Variants in ISCU observed in about 807,000 individuals in gnomAD.
The protein encoded by ISCU is iron-sulfur cluster assembly enzyme.
Under a neutral mutation model 18.4 loss-of-function variants are expected in ISCU, and 13 were observed. That is an observed-to-expected ratio of 0.71 (90% CI 0.46 to 1.12). The LOEUF (loss-of-function observed/expected upper bound fraction) is 1.12, where lower values mean the gene tolerates loss of function less well. Ranked by LOEUF, ISCU falls within the 50% of genes most tolerant of loss-of-function variation. ISCU has a pLI of 0.00. For missense variants in ISCU, 229 were observed against 208.7 expected (o/e 1.10, Z -0.60); for synonymous variants, 104 against 87.5 (o/e 1.19, Z -1.06).
intron 4 of ISCU, chr12:108,567,959 T>A (rs906566964): frequency 1.4e-6 from 2 of 1,466,444 alleles, no homozygotes; most frequent in Non-Finnish European, 1.8e-6. Flanking sequence ...AATGCATCGA[T>A]GGAGGTTTAC....
In ISCU at chr12:108,564,126, A is replaced by G. The variant is rs755038653; in HGVS notation, c.115-153A>G. 3.1e-6 allele frequency: 5 copies of G among 1,601,110 alleles called. No individual in the cohort carries two copies. The South Asian group carries it at 5.5e-5, about 18-fold the overall frequency. On this transcript the variant is annotated intron_variant, in intron 1 of 4. Coordinates refer to ENST00000311893, the MANE Select transcript of ISCU (RefSeq NM_213595.4). ...GAATTGGGGGTCACAAATGGTTCTC[A>G]TTGACATGAGTGTAGACCTTTCTAC... is the stretch of plus-strand genomic sequence containing the variant.
chr12:108,563,912 A>G, intron 1 of ISCU: 1 of 676,524 alleles, frequency 1.5e-6, no homozygotes, highest in Non-Finnish European at 2.7e-6. Flanking sequence ...TTTAAATAGT[A>G]ATCATCCTTT....
At chr12:108,567,862 C>G (rs1251404875) in intron 4 of ISCU, 1 of 1,449,612 alleles carries the variant, frequency 6.9e-7, no homozygotes, top group East Asian at 2.5e-5. Context: ...ACTTGGCTTT[C>G]CAGTTTGGTC....
intron 4 of ISCU, chr12:108,567,975 A>G: frequency 6.6e-7 from 1 of 1,511,216 alleles, no homozygotes; most frequent in Non-Finnish European, 8.9e-7. Flanking sequence ...TTTACTAACC[A>G]AATTAGTTAA....
At position 108,565,314 on chromosome 12, in the gene ISCU, T is replaced by C. The variant is rs764031831; in HGVS notation, c.229-7T>C. ...GACTCACCACTTAACTCTTGTCTCT[T>C]TTCTAGATTCAAGTGGATGAAAAGG... On this transcript the variant is annotated splice_region_variant and splice_polypyrimidine_tract_variant and intron_variant, in intron 2 of 4. Transcript: ENST00000311893. 5 of 1,609,236 alleles carry C rather than the reference T, an allele frequency of 3.1e-6. No individual in the cohort carries two copies. The highest frequency in any genetic ancestry group is 1.7e-5 in the Admixed American group (1 of 60,022).
intron 2 of ISCU, 99 bp downstream of exon 2, chr12:108,564,491 C>G (rs547435780): frequency 3.6e-5 from 30 of 830,324 alleles, no homozygotes; most frequent in Middle Eastern, 4.4e-4. Flanking sequence ...CCTGTGAGAT[C>G]TCCAAGCATT....
intron 1 of ISCU, chr12:108,563,897 G>GT: frequency 1.5e-6 from 1 of 645,708 alleles, no homozygotes; most frequent in Non-Finnish European, 2.8e-6. Context: ...GTTATTTTTA[G>GT]AATTTTTAAA....
At chr12:108,566,536 G>A (rs979411123) in intron 3 of ISCU, among the ~76,000 whole-genome samples, 2 of 152,248 alleles carry the variant, frequency 1.3e-5, no homozygotes, top group African/African-American at 2.4e-5. Context: ...GAGTCTGGCT[G>A]TTGGGAAATC....
upstream of ISCU, among the ~76,000 whole-genome samples, chr12:108,561,899 G>C (rs1432715507): frequency 1.3e-5 from 2 of 152,002 alleles, no homozygotes; most frequent in Admixed American, 6.6e-5. Flanking sequence ...TCCCATTTTT[G>C]AGGTAGGAAA....
At chr12:108,563,897 G>C in intron 1 of ISCU, 2 of 645,708 alleles carry the variant, frequency 3.1e-6, no homozygotes, top group Non-Finnish European at 2.8e-6. Flanking sequence ...GTTATTTTTA[G>C]AATTTTTAAA....
At chr12:108,567,733 C>T in intron 4 of ISCU, 1 of 1,535,896 alleles carries the variant, frequency 6.5e-7, no homozygotes, top group Admixed American at 2.0e-5. Context: ...TCTTCACTTC[C>T]TGTCTGGATG....
In ISCU at chr12:108,567,234, G is replaced by C; in HGVS notation, c.384G>C (p.Glu128Asp). The change falls in exon 4 of 5, where the codon GAG becomes GAC. Residue 128 changes from glutamate to aspartate, a missense_variant. Glu to Asp is a conservative substitution (Grantham distance 45). Transcript: ENST00000311893. ...LTIKNTDIAKELCLPPVKLHC... is the reference protein window; with the variant it reads ...LTIKNTDIAKDLCLPPVKLHC... ...TCAAAAACACAGATATCGCCAAGGA[G>C]CTCTGCCTTCCTCCCGTGAAACTGC... 2.5e-6 allele frequency: 4 copies of C among 1,614,062 alleles called. No homozygotes were observed. Among genetic ancestry groups the C allele is most frequent in the Non-Finnish European group, 3.4e-6 (4 of 1,179,964 alleles).
chr12:108,568,511 G>GT, intron 4 of ISCU: 1 of 1,231,466 alleles, frequency 8.1e-7, no homozygotes, highest in East Asian at 4.4e-5. Context: ...GACATCTTCT[G>GT]TAAGTCCCCA....
At chr12:108,568,645 G>T (rs1228038221) in intron 4 of ISCU, 186 bp from the exon 5 acceptor site, 4 of 1,447,626 alleles carry the variant, frequency 2.8e-6, no homozygotes, top group Non-Finnish European at 3.6e-6. Context: ...AGGATCACCC[G>T]CAGGAGTAAC....
chr12:108,568,222 T>G, intron 4 of ISCU: 1 of 1,238,608 alleles, frequency 8.1e-7, no homozygotes, highest in Non-Finnish European at 1.0e-6. Flanking sequence ...AACCTTTAGC[T>G]GATGTTCTCT....
chr12:108,564,360 G>A lies in ISCU; in HGVS notation c.196G>A (p.Ala66Thr). The stretch of plus-strand genomic sequence containing the variant: ...AAATGTTGGAACTGGACTGGTGGGG[G>A]CTCCAGCATGTGGTGACGTAATGAA... ...SKNVGTGLVG[A>T]PACGDVMKLQ... Residue 66 changes from alanine to threonine, a missense_variant, in exon 2 of 5, where the codon GCT (alanine) becomes ACT (threonine). Transcript: ENST00000311893. The A allele has an allele frequency of 6.2e-7, 1 of 1,613,778 alleles. No individual in the cohort carries two copies. The highest frequency in any genetic ancestry group is 8.5e-7 in the Non-Finnish European group (1 of 1,179,618).
upstream of ISCU, chr12:108,562,530 G>C (rs2136708325): frequency 1.5e-6 from 1 of 685,386 alleles, no homozygotes; most frequent in East Asian, 3.4e-5. Context: ...CTTCGGTGAC[G>C]TCAGAGAGGC....
intron 1 of ISCU, 117 bp downstream of exon 1, chr12:108,562,853 C>T (rs1159656526): frequency 6.1e-6 from 3 of 492,580 alleles, no homozygotes; most frequent in Admixed American, 8.8e-5. Context: ...CGTCTTTGCC[C>T]TGACTCGCTT....
chr12:108,566,147 G>T (rs927469136), intron 3 of ISCU, among the ~76,000 whole-genome samples: 4 of 152,262 alleles, frequency 2.6e-5, no homozygotes, highest in Admixed American at 2.6e-4. Context: ...AGGGAGCTGA[G>T]TCACAGAGGA....
Sources: allele counts gnomAD v4.1 joint callset (sites outside exome capture counted in the v4.1 genomes callset), GRCh38; gene constraint gnomAD v4.1.1; transcripts MANE v1.5; gene names NCBI Gene and HGNC (gene_info 2026-07-23, HGNC 2026-07-21).